Variants in MINK1 observed in about 807,000 individuals in gnomAD.
MINK1 encodes misshapen-like kinase 1.
In MINK1, 46 loss-of-function variants were observed where a neutral mutation model predicts 178.4. That is an observed-to-expected ratio of 0.26 (90% CI 0.20 to 0.33). MINK1 has a LOEUF of 0.33. MINK1 is among the 10% of genes least tolerant of loss of function. The probability of loss-of-function intolerance (pLI) is 1.00; values close to 1 mark genes in which losing one functional copy is unlikely to be tolerated. For synonymous variants in MINK1, 797 were observed against 709.7 expected (o/e 1.12, Z -1.96); for missense variants, 1,366 against 1,814.9 (o/e 0.75, Z 4.49).
intron 17 of MINK1, 74 bp downstream of exon 17, chr17:4,892,308 T>TA: frequency 6.8e-7 from 1 of 1,480,018 alleles, no homozygotes; most frequent in East Asian, 2.5e-5. Flanking sequence ...ACAGGGACTT[T>TA]ACCAGCCTAC....
At chr17:4,869,838 T>C (rs1171224864) in intron 1 of MINK1, among the ~76,000 whole-genome samples, 4 of 150,230 alleles carry the variant, frequency 2.7e-5, no homozygotes, top group African/African-American at 7.3e-5. Flanking sequence ...TATTTATTTA[T>C]TTATTTATTT....
chr17:4,874,583 G>A (rs1158947899), intron 1 of MINK1, among the ~76,000 whole-genome samples: 2 of 152,176 alleles, frequency 1.3e-5, no homozygotes, highest in Non-Finnish European at 2.9e-5. Context: ...AGCACATGTT[G>A]AAGGGAGAAA....
chr17:4,874,046 C>T (rs1343153441), intron 1 of MINK1, among the ~76,000 whole-genome samples: 1 of 152,178 alleles, frequency 6.6e-6, no homozygotes, highest in Non-Finnish European at 1.5e-5. Context: ...CTCTCCCATG[C>T]TCTTTCCACC....
At chr17:4,848,958 A>G (rs1410577932) in intron 1 of MINK1, among the ~76,000 whole-genome samples, 1 of 152,210 alleles carries the variant, frequency 6.6e-6, no homozygotes, top group African/African-American at 2.4e-5. Flanking sequence ...CAAAGTTCCC[A>G]GAAAGCGTGT....
At chr17:4,853,857 G>A (rs1007997470) in intron 1 of MINK1, among the ~76,000 whole-genome samples, 1 of 152,080 alleles carries the variant, frequency 6.6e-6, no homozygotes, top group Non-Finnish European at 1.5e-5. Context: ...GGGAGGTAAA[G>A]GCTGAGATAC....
At chr17:4,834,691 C>CT in intron 1 of MINK1, 1 of 513,140 alleles carries the variant, frequency 1.9e-6, no homozygotes, top group East Asian at 5.5e-5. Flanking sequence ...ACACTCCAGA[C>CT]TATCAGCCAG....
At position 4,885,900 on chromosome 17, in the gene MINK1, C is replaced by A; in HGVS notation, c.640-11C>A. 1.2e-6 allele frequency: 2 copies of A among 1,613,462 alleles called. No homozygotes were observed. The highest frequency in any genetic ancestry group is 8.5e-7 in the Non-Finnish European group (1 of 1,179,552). The stretch of plus-strand genomic sequence containing the variant: ...AGGAATATTCACTTGTTCCTTCTTT[C>A]CCGTCTATAGAGTGATATTTGGTCT... On this transcript the variant is annotated splice_polypyrimidine_tract_variant and intron_variant, in intron 7 of 31. Transcript: ENST00000355280. The surrounding 1 kb of genome is among the most constrained non-coding windows in gnomAD (Gnocchi z 5.0).
intron 1 of MINK1, among the ~76,000 whole-genome samples, chr17:4,843,004 G>T (rs866675709): frequency 1.3e-5 from 2 of 152,208 alleles, no homozygotes; most frequent in Non-Finnish European, 2.9e-5. Context: ...TCCACAGCTC[G>T]CTGTTTCCCA....
chr17:4,842,058 A>G (rs1407031556), intron 1 of MINK1, among the ~76,000 whole-genome samples: 1 of 151,922 alleles, frequency 6.6e-6, no homozygotes, highest in Non-Finnish European at 1.5e-5. Flanking sequence ...CGTCTCTACT[A>G]AAAATACAAA....
chr17:4,882,795 C>CTT (rs1036844979), intron 4 of MINK1, among the ~76,000 whole-genome samples: 5 of 152,200 alleles, frequency 3.3e-5, no homozygotes, highest in Admixed American at 1.3e-4. Context: ...TTTAGGATTC[C>CTT]TTTTTTTGTT....
Position 4,891,110 on chromosome 17 carries a change from G to C in MINK1, c.1726G>C (p.Glu576Gln). 6.5e-7 allele frequency: 1 copy of C among 1,538,766 alleles called. No homozygotes were observed. The highest frequency in any genetic ancestry group is 8.8e-7 in the Non-Finnish European group (1 of 1,142,448). Residue 576 changes from glutamate to glutamine, a missense_variant, in exon 15 of 32, where the codon GAG becomes CAG. Around this residue, in one of 14 missense-constraint regions of MINK1, gnomAD observed 709 missense variants for 692.3 expected, o/e 1.02. Coordinates refer to ENST00000355280, the MANE Select transcript of MINK1 (RefSeq NM_153827.5). ...PPMQRPVEPQ[E>Q]GPHKSLVAHR... The stretch of plus-strand genomic sequence containing the variant: ...TATGCAGAGGCCGGTGGAGCCCCAG[G>C]AGGGACCGCACAAGGTGAGTCTCTC...
intron 1 of MINK1, among the ~76,000 whole-genome samples, chr17:4,845,492 T>A (rs559646351): frequency 1.4e-3 from 214 of 152,182 alleles, no homozygotes; most frequent in Middle Eastern, 3.4e-3. Context: ...CATTTCTGTA[T>A]TAGTATGTGA....
In MINK1 at chr17:4,886,184, C is replaced by T; in HGVS notation, c.759C>T (p.Leu253=). Residue 253 remains leucine, a synonymous_variant, in exon 9 of 32, where the codon CTC becomes CTT. Coordinates refer to ENST00000355280, the MANE Select transcript of MINK1 (RefSeq NM_153827.5). The surrounding 1 kb of genome is among the most constrained non-coding windows in gnomAD (Gnocchi z 6.1). ...FLIPRNPPPR[L]KSKKWSKKFI... is the part of the protein sequence containing the mutation. ...TTCCTCGGAACCCTCCGCCCAGGCT[C>T]AAGTCCAAGAAGTGGTAGGTCTCTG... The T allele has an allele frequency of 6.2e-7, 1 of 1,613,970 alleles. No individual in the cohort carries two copies. Among genetic ancestry groups the T allele is most frequent in the Non-Finnish European group, 8.5e-7 (1 of 1,179,862 alleles).
At chr17:4,871,532 A>G (rs1207991696) in intron 1 of MINK1, among the ~76,000 whole-genome samples, 1 of 151,998 alleles carries the variant, frequency 6.6e-6, no homozygotes, top group Non-Finnish European at 1.5e-5. Flanking sequence ...TTTATTGCCA[A>G]TATCATTCTA....
chr17:4,877,365 T>C (rs1214278415), intron 1 of MINK1, among the ~76,000 whole-genome samples: 1 of 152,132 alleles, frequency 6.6e-6, no homozygotes, highest in Middle Eastern at 3.2e-3. Context: ...CTCAGAAAAG[T>C]AGGAACAGAA....
chr17:4,861,340 G>A (rs1016301960), intron 1 of MINK1, among the ~76,000 whole-genome samples: 6 of 152,154 alleles, frequency 3.9e-5, no homozygotes, highest in Admixed American at 2.0e-4. Context: ...AAAGCAATAT[G>A]TACAATTATA....
In MINK1 at chr17:4,885,613, GGTATGGAGTGGAAA is replaced by G. The variant is rs1225772791; in HGVS notation, c.639+3_639+16del. ...ACCCTGATGCCACCTATGATTACAG[GGTATGGAGTGGAAA>G]GTTGGGAGCATGGGGGCTGCCAAGG... On this transcript the variant is annotated splice_donor_variant and splice_donor_5th_base_variant and intron_variant, in intron 7 of 31. Coordinates refer to ENST00000355280, the MANE Select transcript of MINK1 (RefSeq NM_153827.5). LOFTEE classifies it high-confidence loss of function. This position sits in a 1 kb window ranked among gnomAD's most constrained non-coding sequence, Gnocchi z 5.0. The G allele has an allele frequency of 6.2e-7, 1 of 1,613,892 alleles. No homozygotes were observed. Among genetic ancestry groups the G allele is most frequent in the Non-Finnish European group, 8.5e-7 (1 of 1,179,848 alleles).
Position 4,894,732 on chromosome 17 carries a change from A to G in MINK1, c.2917+99A>G. On this transcript the variant is annotated intron_variant, in intron 24 of 31. Transcript: ENST00000355280. This position sits in a 1 kb window ranked among gnomAD's most constrained non-coding sequence, Gnocchi z 4.1. ...AGACGCAGCCTCACAAAGCATAGCC[A>G]CAGGACCTCTCCCTTGGGCCCTAGC... 2.1e-6 allele frequency: 2 copies of G among 939,058 alleles called. No homozygotes were observed. The highest frequency in any genetic ancestry group is 2.4e-4 in the Middle Eastern group (1 of 4,218). The allele number at this position is 939,058 out of a possible 1,614,324, so 58.2% of individuals were successfully genotyped here. A position where few individuals can be genotyped will look rare whatever the true frequency, so the allele number is the denominator to read the frequency against.
At position 4,895,441 on chromosome 17, in the gene MINK1, C is replaced by A; in HGVS notation, c.3177C>A (p.Arg1059=). 1 of 1,607,108 alleles carries A rather than the reference C, an allele frequency of 6.2e-7. No homozygotes were observed. Among genetic ancestry groups the A allele is most frequent in the Non-Finnish European group, 8.5e-7 (1 of 1,175,856 alleles). ...TGTATGGACTCATTGGGCGGCGACG[C>A]TTCCAGCAGATGGATGTGCTGGAGG... The part of the protein sequence containing the change: ...GKVYGLIGRR[R]FQQMDVLEGL... The change falls in exon 26 of 32, where the codon CGC becomes CGA. Residue 1059 remains arginine, a synonymous_variant. Transcript: ENST00000355280. This position sits in a 1 kb window ranked among gnomAD's most constrained non-coding sequence, Gnocchi z 4.3.
Sources: gnomAD v4.1 joint callset for allele counts (sites outside exome capture counted in the v4.1 genomes callset) on GRCh38, gnomAD v4.1.1 for gene constraint, gnomAD v4.1.1 regional missense constraint, Gnocchi (gnomAD v3.1) non-coding constraint, MANE v1.5 for transcripts, NCBI Gene and HGNC (gene_info 2026-07-23, HGNC 2026-07-21) for gene names.